The following CCSER1 variants were observed in gnomAD, a reference collection of about 807,000 sequenced individuals.
CCSER1 encodes coiled-coil serine rich protein 1.
In CCSER1, 41 loss-of-function variants were observed where a neutral mutation model predicts 82.0. That is an observed-to-expected ratio of 0.50 (90% CI 0.39 to 0.65). The LOEUF (loss-of-function observed/expected upper bound fraction) is 0.65, where lower values mean the gene tolerates loss of function less well. Among genes scored for constraint, CCSER1 ranks in the 30% least tolerant of loss-of-function variants. The pLI is 0.00. For synonymous variants in CCSER1, 414 were observed against 383.9 expected (o/e 1.08, Z -0.92); for missense variants, 1,119 against 1,064.2 (o/e 1.05, Z -0.72).
chr4:90,343,066 G>A (rs1741707686), intron 3 of CCSER1, among the ~76,000 whole-genome samples: 2 of 152,078 alleles, frequency 1.3e-5, no homozygotes. Flanking sequence ...GATAATAAAA[G>A]TCTCTTTCTT....
At chr4:91,406,012 C>T (rs187052195) in intron 10 of CCSER1, among the ~76,000 whole-genome samples, 140 of 152,060 alleles carry the variant, frequency 9.2e-4, no homozygotes, top group African/African-American at 2.8e-3. Flanking sequence ...AACTGCCTCC[C>T]GATATATGTA....
intron 10 of CCSER1, among the ~76,000 whole-genome samples, chr4:91,269,467 T>C (rs1379284182): frequency 6.6e-6 from 1 of 152,190 alleles, no homozygotes; most frequent in Non-Finnish European, 1.5e-5. Context: ...GGATTACTCA[T>C]ATAAGCTTAA....
intron 10 of CCSER1, among the ~76,000 whole-genome samples, chr4:91,284,161 A>G (rs982750425): frequency 9.9e-5 from 15 of 151,790 alleles, no homozygotes; most frequent in Non-Finnish European, 1.9e-4. Flanking sequence ...CAATATTAGC[A>G]CTCTCTCTCT....
At chr4:90,229,773 A>G (rs1272835048) in intron 1 of CCSER1, among the ~76,000 whole-genome samples, 3 of 152,214 alleles carry the variant, frequency 2.0e-5, no homozygotes, top group African/African-American at 7.2e-5. Flanking sequence ...AGGATAGAGG[A>G]AGATCTACGA....
intron 4 of CCSER1, among the ~76,000 whole-genome samples, chr4:90,443,782 A>G (rs1223043052): frequency 6.6e-6 from 1 of 152,088 alleles, no homozygotes; most frequent in Non-Finnish European, 1.5e-5. Context: ...AAAACCAAAT[A>G]TACTAGATGC....
intron 8 of CCSER1, among the ~76,000 whole-genome samples, chr4:90,923,159 T>C (rs1457999882): frequency 6.6e-6 from 1 of 152,176 alleles, no homozygotes; most frequent in African/African-American, 2.4e-5. Flanking sequence ...ACGCCTACAG[T>C]AGAAGAAAAG....
At chr4:91,550,845 T>C (rs1377667906) in intron 10 of CCSER1, among the ~76,000 whole-genome samples, 1 of 152,174 alleles carries the variant, frequency 6.6e-6, no homozygotes, top group African/African-American at 2.4e-5. Context: ...CAAAGCAAAC[T>C]TCCATCTCCA....
intron 4 of CCSER1, among the ~76,000 whole-genome samples, chr4:90,426,923 C>A (rs1048331026): frequency 1.3e-5 from 2 of 151,920 alleles, no homozygotes; most frequent in African/African-American, 2.4e-5. Context: ...AAATACTGAA[C>A]AAAACTTCTA....
intron 6 of CCSER1, chr4:90,642,016 T>A (rs1333009315): frequency 3.5e-6 from 1 of 288,164 alleles, no homozygotes; most frequent in Non-Finnish European, 7.8e-6. Context: ...ATGGGCTAAA[T>A]CCGACATTAA....
intron 8 of CCSER1, among the ~76,000 whole-genome samples, chr4:90,871,926 T>A (rs542570868): frequency 5.3e-5 from 8 of 152,056 alleles, no homozygotes; most frequent in African/African-American, 1.9e-4. Flanking sequence ...TGACCATCTC[T>A]GTTTCTTTTT....
intron 5 of CCSER1, among the ~76,000 whole-genome samples, chr4:90,470,212 G>T (rs183480452): frequency 6.6e-6 from 1 of 151,992 alleles, no homozygotes; most frequent in East Asian, 1.9e-4. Context: ...CTTGATTAAT[G>T]TCTCCATTAT....
At chr4:91,149,429 G>T (rs925393775) in intron 10 of CCSER1, among the ~76,000 whole-genome samples, 37 of 152,150 alleles carry the variant, frequency 2.4e-4, no homozygotes, top group Non-Finnish European at 3.2e-4. Flanking sequence ...TCTGTAGGTT[G>T]CCTATTCACT....
chr4:91,158,840 G>A (rs561041837), intron 10 of CCSER1, among the ~76,000 whole-genome samples: 1 of 152,112 alleles, frequency 6.6e-6, no homozygotes, highest in South Asian at 2.1e-4. Flanking sequence ...TTGAAACAAT[G>A]AATTGGAGAG....
chr4:91,350,099 G>A (rs1748370090), intron 10 of CCSER1, among the ~76,000 whole-genome samples: 1 of 151,976 alleles, frequency 6.6e-6, no homozygotes, highest in Admixed American at 6.6e-5. Context: ...ATTGGAAACT[G>A]GAAGTCATGA....
chr4:91,221,187 A>G (rs1040166461), intron 10 of CCSER1, among the ~76,000 whole-genome samples: 1 of 152,026 alleles, frequency 6.6e-6, no homozygotes, highest in Non-Finnish European at 1.5e-5. Flanking sequence ...AGTAGTTCTT[A>G]TTTATATTTG....
chr4:91,490,085 C>T (rs1022288530), intron 10 of CCSER1, among the ~76,000 whole-genome samples: 1 of 151,976 alleles, frequency 6.6e-6, no homozygotes, highest in African/African-American at 2.4e-5. Flanking sequence ...AAAAGACAGG[C>T]AATAATGAAT....
intron 10 of CCSER1, among the ~76,000 whole-genome samples, chr4:91,237,082 T>G (rs1739065672): frequency 6.6e-6 from 1 of 152,194 alleles, no homozygotes; most frequent in Non-Finnish European, 1.5e-5. Context: ...ATTCAAGGTT[T>G]TTACTTTCTT....
intron 6 of CCSER1, among the ~76,000 whole-genome samples, chr4:90,644,356 C>T (rs899600681): frequency 2.6e-5 from 4 of 152,024 alleles, no homozygotes; most frequent in African/African-American, 9.7e-5. Context: ...GTTATGTGTT[C>T]ATGTGTGGAA....
At chr4:91,517,570 T>A (rs1051318941) in intron 10 of CCSER1, among the ~76,000 whole-genome samples, 1 of 152,218 alleles carries the variant, frequency 6.6e-6, no homozygotes, top group African/African-American at 2.4e-5. Flanking sequence ...AATATTCACC[T>A]GAATCTCGAT....
Sources: allele counts gnomAD v4.1 joint callset (sites outside exome capture counted in the v4.1 genomes callset), GRCh38; gene constraint gnomAD v4.1.1; transcripts MANE v1.5; gene names NCBI Gene and HGNC (gene_info 2026-07-23, HGNC 2026-07-21).